SUMF1: variants seen among roughly 807,000 people sequenced by gnomAD.
SUMF1 encodes formylglycine-generating enzyme.
Under a neutral mutation model 47.6 loss-of-function variants are expected in SUMF1, and 48 were observed. That is an observed-to-expected ratio of 1.01 (90% CI 0.80 to 1.28). The LOEUF is 1.28. Among genes scored for constraint, SUMF1 ranks in the 50% most tolerant of loss-of-function variants. The pLI is 0.00. For missense variants in SUMF1, 571 were observed against 485.4 expected, an observed-to-expected ratio of 1.18 and a Z score of -1.66; for synonymous variants, 230 against 192.1, an observed-to-expected ratio of 1.20 and a Z score of -1.63.
At chr3:4,328,093 C>A (rs1211383679) in intron 8 of SUMF1, among the ~76,000 whole-genome samples, 1 of 152,066 alleles carries the variant, frequency 6.6e-6, no homozygotes, top group Non-Finnish European at 1.5e-5. Context: ...TGGCGGGTGC[C>A]TGTAGTCCAA....
At chr3:4,357,704 C>G (rs1688414), downstream of SUMF1, among the ~76,000 whole-genome samples, 59,896 of 151,312 alleles carry the variant, frequency 0.4, 14,042 homozygotes, top group African/African-American at 0.64. Context: ...TGCCTCCCGA[C>G]TTCAATTGAT....
intron 8 of SUMF1, among the ~76,000 whole-genome samples, chr3:4,162,603 A>G (rs1694603876): frequency 6.6e-6 from 1 of 152,122 alleles, no homozygotes; most frequent in Non-Finnish European, 1.5e-5. Context: ...CTGAGTTTCA[A>G]TGTAAAGTCC....
chr3:4,244,523 T>A (rs191573589), intron 8 of SUMF1, among the ~76,000 whole-genome samples: 12 of 152,286 alleles, frequency 7.9e-5, no homozygotes, highest in African/African-American at 2.4e-4. Flanking sequence ...TGAAGCTTAG[T>A]TGGCTGGATA....
chr3:4,252,317 G>A (rs1012550417), intron 8 of SUMF1, among the ~76,000 whole-genome samples: 5 of 151,454 alleles, frequency 3.3e-5, no homozygotes, highest in Non-Finnish European at 7.4e-5. Context: ...ATAGTTCTGA[G>A]GGACATTTTG....
At chr3:4,310,483 C>G (rs2125089807) in intron 8 of SUMF1, among the ~76,000 whole-genome samples, 1 of 152,252 alleles carries the variant, frequency 6.6e-6, no homozygotes, top group East Asian at 1.9e-4. Flanking sequence ...GTATCAGGAT[C>G]AGTGATTATA....
chr3:4,301,422 G>C (rs1368649728), intron 8 of SUMF1, among the ~76,000 whole-genome samples: 1 of 152,204 alleles, frequency 6.6e-6, no homozygotes, highest in Admixed American at 6.5e-5. Flanking sequence ...AAGAATCTAA[G>C]CAGCAAAATA....
At chr3:4,037,888 C>T (rs1352224319) in intron 9 of SUMF1, among the ~76,000 whole-genome samples, 1 of 152,162 alleles carries the variant, frequency 6.6e-6, no homozygotes, top group East Asian at 1.9e-4. Flanking sequence ...TTGTAACTGA[C>T]ATCTTGCCTT....
intron 9 of SUMF1, among the ~76,000 whole-genome samples, chr3:4,039,232 T>TTTTTTTTTTTC (rs1373084459): frequency 7.8e-6 from 1 of 128,702 alleles, no homozygotes; most frequent in Non-Finnish European, 1.6e-5. Flanking sequence ...TTTTTTTTTT[T>TTTTTTTTTTTC]TTATTATACT....
intron 1 of SUMF1, among the ~76,000 whole-genome samples, chr3:4,465,571 C>T (rs564793795): frequency 6.6e-6 from 1 of 151,936 alleles, no homozygotes; most frequent in East Asian, 1.9e-4. Context: ...GGCCAATACA[C>T]ACTAAAACAG....
chr3:4,384,608 T>C (rs1700610023), intron 7 of SUMF1, among the ~76,000 whole-genome samples: 1 of 152,184 alleles, frequency 6.6e-6, no homozygotes, highest in Non-Finnish European at 1.5e-5. Context: ...CTGGCTTTTT[T>C]TCCACTCAGC....
intron 8 of SUMF1, chr3:4,229,314 G>A: frequency 2.5e-6 from 1 of 408,122 alleles, no homozygotes; most frequent in South Asian, 1.8e-5. Flanking sequence ...CCATTCCTGT[G>A]AAATCCTCTG....
At chr3:4,128,428 C>T (rs772505624) in intron 8 of SUMF1, among the ~76,000 whole-genome samples, 53 of 152,126 alleles carry the variant, frequency 3.5e-4, no homozygotes, top group Non-Finnish European at 2.4e-4. Flanking sequence ...CCAGTAGTGG[C>T]AACATCCCCT....
At chr3:4,272,790 T>A (rs116407601) in intron 8 of SUMF1, among the ~76,000 whole-genome samples, 7 of 152,128 alleles carry the variant, frequency 4.6e-5, no homozygotes, top group Non-Finnish European at 8.8e-5. Flanking sequence ...ATTTACCATA[T>A]GGGCCAAGTA....
intron 8 of SUMF1, among the ~76,000 whole-genome samples, chr3:4,102,964 C>T (rs1314883931): frequency 1.3e-5 from 2 of 151,216 alleles, no homozygotes; most frequent in East Asian, 1.9e-4. Flanking sequence ...ACTCTGTCAC[C>T]CAGGCTGGAG....
intron 9 of SUMF1, among the ~76,000 whole-genome samples, chr3:4,061,138 C>T (rs1056381650): frequency 3.3e-5 from 5 of 152,142 alleles, no homozygotes; most frequent in Non-Finnish European, 5.9e-5. Context: ...TGGGCAGCCC[C>T]CTGATCCAGA....
Position 4,295,542 on chromosome 3 carries a change from T to A in SUMF1, c.1014+80788A>T, listed in dbSNP as rs556547926. ...AAAGCTTACTACCTGGAACGTGAAA[T>A]GAACGAACCGCGGGCTGTGCTTTTC... On this transcript the variant is annotated intron_variant and NMD_transcript_variant, in intron 8 of 12. Coordinates refer to the SUMF1 transcript ENST00000448413. 9.7e-4 allele frequency among the ~76,000 whole-genome samples: 148 copies of A among 152,166 alleles called. 1 individual carries two copies. Among genetic ancestry groups the A allele is most frequent in the African/African-American group, 3.5e-3 (145 of 41,530 alleles).
intron 3 of SUMF1, among the ~76,000 whole-genome samples, chr3:4,444,294 T>TG (rs1702706287): frequency 2.0e-5 from 3 of 152,196 alleles, no homozygotes; most frequent in Admixed American, 2.0e-4. Context: ...ATTGTTCCCA[T>TG]GGCCACTTCC....
chr3:4,325,945 C>T (rs1432362499), intron 8 of SUMF1, among the ~76,000 whole-genome samples: 1 of 152,148 alleles, frequency 6.6e-6, no homozygotes, highest in Admixed American at 6.5e-5. Flanking sequence ...CCTCAGCCTC[C>T]AAAGTAGCGG....
intron 8 of SUMF1, among the ~76,000 whole-genome samples, chr3:4,071,268 G>T (rs969101096): frequency 6.6e-6 from 1 of 152,226 alleles, no homozygotes; most frequent in South Asian, 2.1e-4. Context: ...TTCCAACTGA[G>T]GAACCTGGTT....
Sources: gnomAD v4.1 joint callset for allele counts (sites outside exome capture counted in the v4.1 genomes callset) on GRCh38, gnomAD v4.1.1 for gene constraint, MANE v1.5 for transcripts, NCBI Gene and HGNC (gene_info 2026-07-23, HGNC 2026-07-21) for gene names.